The following OPCML variants were observed in gnomAD, a reference collection of about 807,000 sequenced individuals.
The protein encoded by OPCML is opioid-binding protein/cell adhesion molecule.
In OPCML, 13 loss-of-function variants were observed where a neutral mutation model predicts 37.8. The ratio of observed to expected loss-of-function variants is 0.34; its 90% CI spans 0.22 to 0.55. The LOEUF is 0.55. OPCML is among the 20% of genes least tolerant of loss of function. OPCML has a pLI of 0.91. For missense variants in OPCML, 341 were observed against 435.6 expected (o/e 0.78, Z 1.93); for synonymous variants, 176 against 168.8 (o/e 1.04, Z -0.33).
intron 1 of OPCML, among the ~76,000 whole-genome samples, chr11:133,315,911 C>T (rs1555138563): frequency 2.0e-5 from 3 of 152,162 alleles, no homozygotes; most frequent in Non-Finnish European, 4.4e-5. Context: ...TGAGTTTCTG[C>T]TCTGTGGTGG....
intron 1 of OPCML, among the ~76,000 whole-genome samples, chr11:133,464,604 C>T (rs1225189861): frequency 1.3e-5 from 2 of 152,074 alleles, no homozygotes; most frequent in African/African-American, 2.4e-5. Flanking sequence ...TCCAGAGTGG[C>T]ATCCTGTGAG....
At chr11:132,850,606 G>A (rs560827595) in intron 2 of OPCML, among the ~76,000 whole-genome samples, 1 of 151,912 alleles carries the variant, frequency 6.6e-6, no homozygotes, top group Non-Finnish European at 1.5e-5. Context: ...TTCAATTCAT[G>A]ATTAGAGCAG....
chr11:132,537,204 A>T (rs957183705), intron 3 of OPCML, among the ~76,000 whole-genome samples: 2 of 152,210 alleles, frequency 1.3e-5, no homozygotes, highest in African/African-American at 4.8e-5. Flanking sequence ...ATTCTTAGAA[A>T]ATATGCACAA....
chr11:132,780,756 G>A (rs1055940140), intron 2 of OPCML, among the ~76,000 whole-genome samples: 2 of 152,118 alleles, frequency 1.3e-5, no homozygotes, highest in African/African-American at 4.8e-5. Context: ...GGCAAGTAGG[G>A]GAGGGGCTGA....
At chr11:133,256,313 G>A (rs1941311148) in intron 1 of OPCML, among the ~76,000 whole-genome samples, 1 of 152,166 alleles carries the variant, frequency 6.6e-6, no homozygotes. Context: ...GTTTTCTTAT[G>A]TGTAACATTG....
At chr11:133,252,712 C>G (rs1941174920) in intron 1 of OPCML, among the ~76,000 whole-genome samples, 2 of 152,220 alleles carry the variant, frequency 1.3e-5, no homozygotes, top group African/African-American at 4.8e-5. Context: ...ATGACAGCCA[C>G]TCGGGCTTTT....
chr11:133,202,516 G>A (rs189074132), intron 1 of OPCML, among the ~76,000 whole-genome samples: 1 of 152,278 alleles, frequency 6.6e-6, no homozygotes, highest in Non-Finnish European at 1.5e-5. Flanking sequence ...GACCCCAGTA[G>A]ACCACTCCAC....
chr11:132,431,772 C>T (rs931099954), intron 7 of OPCML, among the ~76,000 whole-genome samples: 7 of 152,158 alleles, frequency 4.6e-5, no homozygotes, highest in East Asian at 1.9e-4. Flanking sequence ...GAGAGAGGCA[C>T]GCTGTGAAGG....
At chr11:132,625,868 T>C (rs536523529) in intron 3 of OPCML, among the ~76,000 whole-genome samples, 1 of 152,176 alleles carries the variant, frequency 6.6e-6, no homozygotes, top group African/African-American at 2.4e-5. Flanking sequence ...TCCTGACTGA[T>C]GCTAGCCATT....
chr11:132,957,980 G>T (rs935923753), intron 1 of OPCML, among the ~76,000 whole-genome samples: 60 of 152,162 alleles, frequency 3.9e-4, no homozygotes, highest in Non-Finnish European at 3.2e-4. Context: ...GAAAGGAAGA[G>T]TTGCACATTC....
At chr11:132,865,288 A>G (rs1029578948) in intron 2 of OPCML, among the ~76,000 whole-genome samples, 2 of 152,246 alleles carry the variant, frequency 1.3e-5, no homozygotes, top group African/African-American at 4.8e-5. Flanking sequence ...TCATTCTTTC[A>G]TAAGCCTTTT....
At chr11:133,037,711 T>C (rs888224712) in intron 1 of OPCML, among the ~76,000 whole-genome samples, 4 of 152,210 alleles carry the variant, frequency 2.6e-5, no homozygotes, top group African/African-American at 7.2e-5. Flanking sequence ...CCCTCTTGCG[T>C]TGGCAAGGTC....
chr11:132,559,116 A>G (rs1468193923), intron 3 of OPCML, among the ~76,000 whole-genome samples: 1 of 152,112 alleles, frequency 6.6e-6, no homozygotes, highest in Non-Finnish European at 1.5e-5. Flanking sequence ...AAGGGGAGAG[A>G]GAAAAAGGAC....
At chr11:132,777,510 A>C (rs1355175457) in intron 2 of OPCML, among the ~76,000 whole-genome samples, 3 of 152,188 alleles carry the variant, frequency 2.0e-5, no homozygotes, top group African/African-American at 7.2e-5. Context: ...CAGTGGAGTT[A>C]CTAATATATG....
At chr11:132,931,460 A>T (rs1223617736) in intron 2 of OPCML, among the ~76,000 whole-genome samples, 1 of 152,192 alleles carries the variant, frequency 6.6e-6, no homozygotes, top group Non-Finnish European at 1.5e-5. Context: ...AAAACTACAA[A>T]CGTTGAAAAA....
At chr11:133,049,278 C>T (rs190926847) in intron 1 of OPCML, among the ~76,000 whole-genome samples, 2 of 152,312 alleles carry the variant, frequency 1.3e-5, no homozygotes, top group Admixed American at 6.5e-5. Context: ...AGGTCAGTTC[C>T]TATTGCTTTA....
At chr11:133,052,698 G>A (rs901833567) in intron 1 of OPCML, among the ~76,000 whole-genome samples, 11 of 152,166 alleles carry the variant, frequency 7.2e-5, no homozygotes, top group Non-Finnish European at 1.5e-4. Context: ...TTTCCCAGAT[G>A]AGCAGGTGGC....
At chr11:132,493,409 C>T (rs1380133444) in intron 4 of OPCML, among the ~76,000 whole-genome samples, 1 of 152,242 alleles carries the variant, frequency 6.6e-6, no homozygotes, top group African/African-American at 2.4e-5. Context: ...AATTTCTACA[C>T]TGATCCCCCA....
intron 1 of OPCML, among the ~76,000 whole-genome samples, chr11:133,487,788 TGTGTGTGTGTGTGTGC>T (rs1947561142): frequency 1.3e-5 from 2 of 151,760 alleles, no homozygotes; most frequent in Non-Finnish European, 1.5e-5. Context: ...TGTGTGTGTG[TGTGTGTGTGTGTGTGC>T]GTGTGTGTAA....
Sources: allele counts gnomAD v4.1 joint callset (sites outside exome capture counted in the v4.1 genomes callset), GRCh38; gene constraint gnomAD v4.1.1; transcripts MANE v1.5; gene names NCBI Gene and HGNC (gene_info 2026-07-23, HGNC 2026-07-21).